The following WDPCP variants were observed in gnomAD, a reference collection of about 807,000 sequenced individuals.
WDPCP encodes WD repeat-containing and planar cell polarity effector protein fritz homolog.
Under a neutral mutation model 93.1 loss-of-function variants are expected in WDPCP, and 71 were observed. That is an observed-to-expected ratio of 0.76 (90% confidence interval 0.63 to 0.93). WDPCP has a LOEUF of 0.93. WDPCP is among the 40% of genes least tolerant of loss of function. WDPCP has a pLI of 0.00. For synonymous variants in WDPCP, 315 were observed against 315.0 expected (o/e 1.00, Z 0.00); for missense variants, 844 against 887.4 (o/e 0.95, Z 0.62).
At chr2:63,558,160 C>G (rs1428887033) in intron 1 of WDPCP, among the ~76,000 whole-genome samples, 4 of 151,288 alleles carry the variant, frequency 2.6e-5, no homozygotes, top group African/African-American at 9.7e-5. Context: ...ATAAAAACCT[C>G]TTAAAAAAAA....
chr2:63,835,890 T>C, the WDPCP span, among the ~76,000 whole-genome samples: 1 of 152,242 alleles, frequency 6.6e-6, no homozygotes, highest in Non-Finnish European at 1.5e-5. Flanking sequence ...AGTCTTGTTC[T>C]GTAGCCCAGG....
At chr2:63,629,786 C>T (rs987105239) in intron 3 of WDPCP, among the ~76,000 whole-genome samples, 24 of 152,210 alleles carry the variant, frequency 1.6e-4, no homozygotes, top group Non-Finnish European at 4.4e-5. Flanking sequence ...GCGGTGGTGC[C>T]CCCACCCTTC....
At chr2:63,290,440 A>G (rs887233008) in intron 13 of WDPCP, among the ~76,000 whole-genome samples, 1 of 151,240 alleles carries the variant, frequency 6.6e-6, no homozygotes, top group African/African-American at 2.4e-5. Context: ...TTTGCTTTAA[A>G]TAATTATATA....
intron 6 of WDPCP, among the ~76,000 whole-genome samples, chr2:63,477,398 T>C (rs1700032260): frequency 6.6e-6 from 1 of 152,168 alleles, no homozygotes; most frequent in African/African-American, 2.4e-5. Flanking sequence ...CCTTTTAATG[T>C]ATCCCAAACT....
At chr2:63,836,587 A>G in the WDPCP span, among the ~76,000 whole-genome samples, 1 of 152,200 alleles carries the variant, frequency 6.6e-6, no homozygotes, top group South Asian at 2.1e-4. Context: ...ACGCTTGTTA[A>G]AAACCCTGAG....
At position 63,800,972 on chromosome 2, in the gene WDPCP, T is replaced by A. The variant is rs546104310; in HGVS notation, n.308+12650A>T. Among the ~76,000 whole-genome samples the A allele has an allele frequency of 2.0e-5, 3 of 152,324 alleles. No individual in the cohort carries two copies. The East Asian group carries it at 5.8e-4, about 29-fold the overall frequency. On this transcript the variant is annotated intron_variant and non_coding_transcript_variant, in intron 2 of 4. Transcript: ENST00000467687. ...CGGAGGCTGAGGTGGGAGGATCACT[T>A]GAGTCCGGCAGGTCAAGGATGCAGA... is the stretch of plus-strand genomic sequence containing the variant.
chr2:63,510,707 C>T (rs1702177085), intron 1 of WDPCP, among the ~76,000 whole-genome samples: 1 of 152,184 alleles, frequency 6.6e-6, no homozygotes, highest in Non-Finnish European at 1.5e-5. Flanking sequence ...GGCATGGTGG[C>T]TCACGCCTGT....
intron 3 of WDPCP, among the ~76,000 whole-genome samples, chr2:63,635,598 G>A (rs1709913339): frequency 1.3e-5 from 2 of 151,944 alleles, no homozygotes; most frequent in South Asian, 4.1e-4. Flanking sequence ...CAGAATAAAG[G>A]ATAAAAATTA....
chr2:63,573,611 A>G (rs1440036636), intron 1 of WDPCP, among the ~76,000 whole-genome samples: 1 of 152,154 alleles, frequency 6.6e-6, no homozygotes, highest in Non-Finnish European at 1.5e-5. Context: ...TGATTGCGTT[A>G]ACTGCACAAA....
intron 17 of WDPCP, among the ~76,000 whole-genome samples, chr2:63,138,496 G>C (rs1306145927): frequency 1.4e-5 from 2 of 147,854 alleles, no homozygotes; most frequent in Non-Finnish European, 3.0e-5. Context: ...CTGTTGCCCA[G>C]GCTGGAGTGC....
intron 3 of WDPCP, chr2:63,643,783 T>A (rs1710012543): frequency 1.9e-6 from 1 of 538,742 alleles, no homozygotes; most frequent in Admixed American, 1.9e-5. Context: ...GCTGATGACA[T>A]CCATGAATCC....
At chr2:63,160,050 C>G (rs530148093) in intron 15 of WDPCP, among the ~76,000 whole-genome samples, 1 of 152,256 alleles carries the variant, frequency 6.6e-6, no homozygotes, top group South Asian at 2.1e-4. Context: ...AGTAAACTTG[C>G]CATAGGTTCA....
At chr2:63,373,229 TTTTC>T (rs1359183019) in intron 12 of WDPCP, among the ~76,000 whole-genome samples, 19 of 148,750 alleles carry the variant, frequency 1.3e-4, no homozygotes, top group East Asian at 2.0e-4. Context: ...GACATTTAAA[TTTTC>T]TTTGTTTTCA....
rs61099920 is a variant in WDPCP, at chr2:63,776,160, CA to C, written n.308+37461del. Among the ~76,000 whole-genome samples, 370 of 126,326 alleles carry C rather than the reference CA, an allele frequency of 2.9e-3. 1 individual carries two copies. The highest frequency in any genetic ancestry group is 3.6e-3 in the African/African-American group (125 of 34,384). The allele number at this position is 126,326 out of a possible 152,430, so 82.9% of individuals were successfully genotyped here. ...ATGAAACAACTGATAAACTGAATCT[CA>C]AAAAAAAAAAAGAACTTTTGAAAGA... On this transcript the variant is annotated intron_variant and non_coding_transcript_variant, in intron 2 of 4. Transcript: ENST00000467687.
intron 3 of WDPCP, among the ~76,000 whole-genome samples, chr2:63,612,521 AG>A (rs1367684553): frequency 1.3e-5 from 2 of 152,210 alleles, no homozygotes; most frequent in Non-Finnish European, 2.9e-5. Flanking sequence ...CCTCTCTCCT[AG>A]GGAAGTTTCA....
rs181214370 is a variant in WDPCP, at chr2:63,159,176, T to G, written c.2079-5602A>C. Among the ~76,000 whole-genome samples, 1,054 of 151,778 alleles carry G rather than the reference T, an allele frequency of 6.9e-3. 3 individuals are homozygous for G. The highest frequency in any genetic ancestry group is 9.6e-3 in the Non-Finnish European group (650 of 67,890). On this transcript the variant is annotated intron_variant, in intron 15 of 17. Coordinates refer to ENST00000272321, the MANE Select transcript of WDPCP (RefSeq NM_015910.7). ...ATCTCAAAAAAAAACTTTTTTTTTT[T>G]TTTTGGTTAATTTACTTTTGAATTC...
chr2:63,752,386 C>T (rs1367403583), intron 2 of WDPCP: 6 of 764,758 alleles, frequency 7.8e-6, no homozygotes, highest in Non-Finnish European at 1.4e-5. Context: ...TCTTTGGTTC[C>T]ACAGCTTTCC....
intron 13 of WDPCP, among the ~76,000 whole-genome samples, chr2:63,301,942 T>C (rs1685364095): frequency 6.6e-6 from 1 of 152,178 alleles, no homozygotes; most frequent in South Asian, 2.1e-4. Context: ...CATGGCCTTT[T>C]TACTAGATCT....
intron 13 of WDPCP, among the ~76,000 whole-genome samples, chr2:63,285,834 G>A (rs1427376232): frequency 6.6e-6 from 1 of 152,178 alleles, no homozygotes; most frequent in Admixed American, 6.5e-5. Flanking sequence ...CGAAGTAGTT[G>A]AGAGAACAAA....
Sources: allele counts gnomAD v4.1 joint callset (sites outside exome capture counted in the v4.1 genomes callset), GRCh38; gene constraint gnomAD v4.1.1; transcripts MANE v1.5; gene names NCBI Gene and HGNC (gene_info 2026-07-23, HGNC 2026-07-21).